The following RNF115 variants were observed in gnomAD, a reference collection of about 807,000 sequenced individuals.
The protein encoded by RNF115 is ring finger protein 115.
In RNF115, 31 loss-of-function variants were observed where a neutral mutation model predicts 39.2. That is an observed-to-expected ratio of 0.79 (90% CI 0.59 to 1.07). The LOEUF is 1.07. Ranked by LOEUF, RNF115 falls within the 50% of genes least tolerant of loss-of-function variation. The pLI is 0.00. For missense variants in RNF115, 384 were observed against 381.7 expected, an observed-to-expected ratio of 1.01 and a Z score of -0.05; for synonymous variants, 124 against 131.0, an observed-to-expected ratio of 0.95 and a Z score of 0.37.
intron 1 of RNF115, among the ~76,000 whole-genome samples, chr1:145,814,642 G>A (rs1360257660): frequency 2.0e-5 from 3 of 150,864 alleles, no homozygotes; most frequent in Non-Finnish European, 2.9e-5. Flanking sequence ...ACATCTAGTT[G>A]GTACTTCCCC....
intron 2 of RNF115, among the ~76,000 whole-genome samples, chr1:145,787,887 CA>C (rs1399948486): frequency 4.4e-5 from 6 of 135,456 alleles, no homozygotes; most frequent in South Asian, 2.3e-4. Context: ...GACTCTGTCT[CA>C]AAAAAAAAAG....
chr1:145,763,026 C>T (rs1345765488), intron 4 of RNF115, among the ~76,000 whole-genome samples: 2 of 152,032 alleles, frequency 1.3e-5, no homozygotes, highest in Admixed American at 1.3e-4. Flanking sequence ...GGGAGAAGGG[C>T]AAAGGTTGAG....
At chr1:145,801,273 A>G (rs1220174776) in intron 1 of RNF115, among the ~76,000 whole-genome samples, 4 of 152,212 alleles carry the variant, frequency 2.6e-5, no homozygotes, top group African/African-American at 9.7e-5. Flanking sequence ...CTGATTGAAA[A>G]TAACTATGCT....
At chr1:145,799,978 G>A (rs1298316002) in intron 1 of RNF115, among the ~76,000 whole-genome samples, 4 of 152,126 alleles carry the variant, frequency 2.6e-5, no homozygotes, top group Admixed American at 1.3e-4. Flanking sequence ...AAGTATGCTG[G>A]ATCTATCAAA....
intron 4 of RNF115, 30 bp downstream of exon 4, chr1:145,771,681 T>G (rs1559113491): frequency 6.3e-7 from 1 of 1,587,444 alleles, no homozygotes; most frequent in Non-Finnish European, 8.6e-7. Context: ...TGAAACTACC[T>G]TAAAAAGAAC....
chr1:145,767,953 AC>A (rs1647442459), intron 4 of RNF115, among the ~76,000 whole-genome samples: 2 of 4,440 alleles, frequency 4.5e-4, no homozygotes, highest in African/African-American at 6.0e-3. Flanking sequence ...GGCATCAGAG[AC>A]AGAGAGAGAC....
At chr1:145,823,748 G>A (rs782005724) in intron 1 of RNF115, 24 bp downstream of exon 1, 16 of 1,505,804 alleles carry the variant, frequency 1.1e-5, no homozygotes, top group South Asian at 2.4e-5. Flanking sequence ...AGGTTCCCAA[G>A]TATAGAGAAC....
At chr1:145,793,481 TTC>T (rs1313445401) in intron 1 of RNF115, among the ~76,000 whole-genome samples, 11 of 152,104 alleles carry the variant, frequency 7.2e-5, no homozygotes, top group Admixed American at 3.3e-4. Context: ...GCCCTCTTTC[TTC>T]TCTCTCCCTC....
intron 2 of RNF115, chr1:145,787,008 A>G (rs1232288498): frequency 6.5e-6 from 8 of 1,222,644 alleles, no homozygotes; most frequent in African/African-American, 1.6e-5. Flanking sequence ...CTAATAGTAC[A>G]TACTGTAAAA....
intron 4 of RNF115, among the ~76,000 whole-genome samples, chr1:145,763,543 CA>C (rs1313312864): frequency 6.6e-6 from 1 of 152,076 alleles, no homozygotes; most frequent in African/African-American, 2.4e-5. Context: ...ACTAAAAATA[CA>C]AAAAATTTTC....
intron 4 of RNF115, among the ~76,000 whole-genome samples, chr1:145,765,877 G>A (rs1647231458): frequency 1.3e-5 from 2 of 152,182 alleles, no homozygotes; most frequent in South Asian, 4.1e-4. Context: ...CAATGAAAAA[G>A]TCAAAGAAAA....
In RNF115 at chr1:145,755,002, T is replaced by C. The variant is rs587610080; in HGVS notation, c.429-1953A>G. On this transcript the variant is annotated intron_variant, in intron 4 of 8. Coordinates refer to ENST00000582693, the MANE Select transcript of RNF115 (RefSeq NM_014455.4). ...GGCTCTTGCCTATAATCCCAGAACT[T>C]TGGGAGGCTGAGGTGGGTGGATCAC... is the stretch of plus-strand genomic sequence containing the variant. Among the ~76,000 whole-genome samples the C allele has an allele frequency of 5.9e-4, 89 of 151,924 alleles. 1 individual carries two copies. Among genetic ancestry groups the C allele is most frequent in the African/African-American group, 2.1e-3 (85 of 41,414 alleles).
chr1:145,746,580 T>G lies in RNF115; in HGVS notation c.*286A>C, dbSNP rs967688038. ...ACAGACAGCAGGACCCTAACTAGAC[T>G]TTAAGGAATTAATTCTATTCAGACG... is the stretch of plus-strand genomic sequence containing the variant. On this transcript the variant is annotated 3_prime_UTR_variant, in exon 9 of 9. Transcript: ENST00000582693. 6.8e-6 allele frequency: 2 copies of G among 294,206 alleles called. No homozygotes were observed. The highest frequency in any genetic ancestry group is 1.3e-5 in the Non-Finnish European group (2 of 157,060). The allele number at this position is 294,206 out of a possible 1,614,324, so 18.2% of individuals were successfully genotyped here. A position where few individuals can be genotyped will look rare whatever the true frequency, so the allele number is the denominator to read the frequency against.
intron 4 of RNF115, among the ~76,000 whole-genome samples, chr1:145,762,612 G>A (rs1658575972): frequency 6.6e-6 from 1 of 151,862 alleles, no homozygotes; most frequent in African/African-American, 2.4e-5. Flanking sequence ...ATACATCAAG[G>A]TGTAACTATG....
intron 4 of RNF115, among the ~76,000 whole-genome samples, chr1:145,758,369 T>C (rs1255355143): frequency 6.6e-6 from 1 of 152,134 alleles, no homozygotes; most frequent in Non-Finnish European, 1.5e-5. Context: ...AAGTGGATGT[T>C]CCAGGTCCAG....
chr1:145,780,618 TAAAAAAAAAAA>T (rs1205816224), intron 3 of RNF115, among the ~76,000 whole-genome samples: 1 of 64,526 alleles, frequency 1.5e-5, no homozygotes, highest in Admixed American at 1.7e-4. Flanking sequence ...AGACTCCGTC[TAAAAAAAAAAA>T]AAAAAAAAAA....
At chr1:145,751,094 T>G (rs1658070064) in intron 6 of RNF115, among the ~76,000 whole-genome samples, 1 of 152,234 alleles carries the variant, frequency 6.6e-6, no homozygotes, top group Non-Finnish European at 1.5e-5. Context: ...AATCCCTGCT[T>G]CAACATGTGA....
chr1:145,792,953 T>A (rs1648746242), intron 1 of RNF115, among the ~76,000 whole-genome samples: 2 of 152,146 alleles, frequency 1.3e-5, no homozygotes, highest in South Asian at 4.1e-4. Context: ...ACCACATAAA[T>A]CCCTGAGTCC....
chr1:145,757,256 G>A lies in RNF115; in HGVS notation c.429-4207C>T, dbSNP rs115471191. Reference sequence around the variant, plus strand: ...TATTTCCAAATAAGGTCATATTCACGGTGACCTTATCAGGGTTAGGACTTG... The same window carrying A: ...TATTTCCAAATAAGGTCATATTCACAGTGACCTTATCAGGGTTAGGACTTG... On this transcript the variant is annotated intron_variant, in intron 4 of 8. Transcript: ENST00000582693. 6.1e-3 allele frequency among the ~76,000 whole-genome samples: 932 copies of A among 152,150 alleles called. 10 individuals carry two copies. The highest frequency in any genetic ancestry group is 0.021 in the African/African-American group (879 of 41,492).
Sources: gnomAD v4.1 joint callset for allele counts (sites outside exome capture counted in the v4.1 genomes callset) on GRCh38, gnomAD v4.1.1 for gene constraint, MANE v1.5 for transcripts, NCBI Gene and HGNC (gene_info 2026-07-23, HGNC 2026-07-21) for gene names.